MAP4K4: variants seen among roughly 807,000 people sequenced by gnomAD.
The protein encoded by MAP4K4 is HPK/GCK-like kinase HGK.
MAP4K4 carries 38 observed loss-of-function variants against 189.6 expected under a neutral mutation model. That is an observed-to-expected ratio of 0.20 (90% confidence interval 0.15 to 0.26). The LOEUF (loss-of-function observed/expected upper bound fraction) is 0.26. MAP4K4 is among the 10% of genes least tolerant of loss of function. The pLI is 1.00. For synonymous variants in MAP4K4, 610 were observed against 624.3 expected, an observed-to-expected ratio of 0.98 and a Z score of 0.34; for missense variants, 1,054 against 1,726.9, an observed-to-expected ratio of 0.61 and a Z score of 6.91.
chr2:101,797,974 A>T (rs2093955174), intron 3 of MAP4K4, among the ~76,000 whole-genome samples: 1 of 137,916 alleles, frequency 7.3e-6, no homozygotes, highest in Non-Finnish European at 1.5e-5. Flanking sequence ...GCACAAGTCT[A>T]GAGTGCACGA....
At chr2:101,718,950 A>T (rs1190010242) in intron 2 of MAP4K4, among the ~76,000 whole-genome samples, 1 of 152,122 alleles carries the variant, frequency 6.6e-6, no homozygotes, top group Non-Finnish European at 1.5e-5. Flanking sequence ...GGTTCTTTGG[A>T]CTAGGGTTAT....
At chr2:101,842,737 T>A (rs2096958424) in intron 11 of MAP4K4, 56 bp downstream of exon 11, 3 of 1,421,316 alleles carry the variant, frequency 2.1e-6, no homozygotes, top group Non-Finnish European at 1.9e-6. Flanking sequence ...AAGTTTTATG[T>A]TGTGCCAGGA....
chr2:101,717,491 T>G (rs1249757011), intron 2 of MAP4K4, among the ~76,000 whole-genome samples: 3 of 152,230 alleles, frequency 2.0e-5, no homozygotes, highest in African/African-American at 7.2e-5. Context: ...TAATAACTCT[T>G]AATTTCTTTT....
intron 3 of MAP4K4, among the ~76,000 whole-genome samples, chr2:101,796,604 C>A (rs1257132178): frequency 6.6e-6 from 1 of 152,180 alleles, no homozygotes; most frequent in African/African-American, 2.4e-5. Flanking sequence ...TGGATCTGAA[C>A]TTTAAAGGAT....
chr2:101,808,290 A>G (rs1330679995), intron 3 of MAP4K4, among the ~76,000 whole-genome samples: 2 of 152,138 alleles, frequency 1.3e-5, no homozygotes, highest in East Asian at 3.9e-4. Flanking sequence ...GGTTTGTGCA[A>G]GTGAGGGACC....
chr2:101,889,208 T>C (rs891325459), intron 32 of MAP4K4, among the ~76,000 whole-genome samples: 1 of 152,152 alleles, frequency 6.6e-6, no homozygotes, highest in African/African-American at 2.4e-5. Flanking sequence ...GTCTAGGCTA[T>C]AATTAGAGAT....
intron 3 of MAP4K4, chr2:101,797,386 G>T (rs575735835): frequency 3.1e-6 from 4 of 1,290,704 alleles, no homozygotes; most frequent in Non-Finnish European, 4.0e-6. Flanking sequence ...TTGTCAGGGT[G>T]AGCCAGAAAT....
At chr2:101,833,306 C>CT (rs1205631659) in intron 7 of MAP4K4, among the ~76,000 whole-genome samples, 8 of 151,962 alleles carry the variant, frequency 5.3e-5, no homozygotes, top group Admixed American at 2.6e-4. Flanking sequence ...TTCAAAAATC[C>CT]TTTTTTTTGG....
At chr2:101,756,205 A>G (rs1241714077) in intron 2 of MAP4K4, among the ~76,000 whole-genome samples, 1 of 152,012 alleles carries the variant, frequency 6.6e-6, no homozygotes, top group East Asian at 1.9e-4. Flanking sequence ...CGGCCTCCCA[A>G]AGTGCTGGGA....
intron 3 of MAP4K4, among the ~76,000 whole-genome samples, chr2:101,823,311 AT>A: frequency 6.6e-6 from 1 of 152,144 alleles, no homozygotes; most frequent in Non-Finnish European, 1.5e-5. Context: ...CTGAAACCAC[AT>A]TCTCAGTGAT....
chr2:101,888,622 A>G (rs1197873060), intron 31 of MAP4K4, among the ~76,000 whole-genome samples, 174 bp from the exon 32 acceptor site: 1 of 152,216 alleles, frequency 6.6e-6, no homozygotes, highest in Non-Finnish European at 1.5e-5. Context: ...CAGGATAGGC[A>G]AGGTGGTTAC....
At chr2:101,780,044 A>G (rs1421487184) in intron 2 of MAP4K4, among the ~76,000 whole-genome samples, 1 of 152,228 alleles carries the variant, frequency 6.6e-6, no homozygotes, top group African/African-American at 2.4e-5. Flanking sequence ...TGTTTTTACA[A>G]TAGTTCAGGG....
intron 2 of MAP4K4, among the ~76,000 whole-genome samples, chr2:101,759,873 T>C (rs2075413314): frequency 6.7e-6 from 1 of 148,770 alleles, no homozygotes; most frequent in Non-Finnish European, 1.5e-5. Flanking sequence ...TGACAGGGTC[T>C]CACTTTGTCA....
intron 16 of MAP4K4, 85 bp from the exon 17 acceptor site, chr2:101,863,736 G>T (rs1577002963): frequency 1.1e-6 from 1 of 885,580 alleles, no homozygotes; most frequent in South Asian, 1.4e-5. Context: ...GCCTCTGCCA[G>T]TTCCTGCTTT....
intron 16 of MAP4K4, among the ~76,000 whole-genome samples, chr2:101,863,354 G>A (rs998056577): frequency 2.0e-5 from 3 of 152,076 alleles, no homozygotes; most frequent in African/African-American, 4.8e-5. Flanking sequence ...TTTGTTACTC[G>A]CTCTGGTGTA....
At chr2:101,806,076 G>C (rs1450833834) in intron 3 of MAP4K4, among the ~76,000 whole-genome samples, 1 of 152,016 alleles carries the variant, frequency 6.6e-6, no homozygotes, top group Non-Finnish European at 1.5e-5. Context: ...CCCTGCTCCT[G>C]TCCCTACTTT....
At chr2:101,706,049 A>T (rs879478447) in intron 2 of MAP4K4, among the ~76,000 whole-genome samples, 3 of 152,240 alleles carry the variant, frequency 2.0e-5, no homozygotes, top group Non-Finnish European at 4.4e-5. Context: ...CCTTCATATG[A>T]TAAATAGGGC....
intron 16 of MAP4K4, among the ~76,000 whole-genome samples, chr2:101,863,030 A>T (rs13426931): frequency 6.6e-6 from 1 of 152,186 alleles, no homozygotes; most frequent in South Asian, 2.1e-4. Flanking sequence ...TTTTTCAGAG[A>T]TCATTTTCCC....
At chr2:101,755,865 A>G (rs75214754) in intron 2 of MAP4K4, among the ~76,000 whole-genome samples, 33 of 147,094 alleles carry the variant, frequency 2.2e-4, no homozygotes, top group East Asian at 6.2e-4. Flanking sequence ...ACATCTGTCT[A>G]TAGTAGCTGT....
Sources: allele counts gnomAD v4.1 joint callset (sites outside exome capture counted in the v4.1 genomes callset), GRCh38; gene constraint gnomAD v4.1.1; transcripts MANE v1.5; gene names NCBI Gene and HGNC (gene_info 2026-07-23, HGNC 2026-07-21).